The following LIPA variants were observed in gnomAD, a reference collection of about 807,000 sequenced individuals.
LIPA encodes lipase A, lysosomal acid type, also known as lysosomal acid lipase/cholesteryl ester hydrolase.
Under a neutral mutation model 40.6 loss-of-function variants are expected in LIPA, and 26 were observed. The ratio of observed to expected loss-of-function variants is 0.64; its 90% confidence interval spans 0.47 to 0.89. The LOEUF is 0.89. Ranked by LOEUF, LIPA falls within the 40% of genes least tolerant of loss-of-function variation. LIPA has a pLI of 0.00. For missense variants in LIPA, 455 were observed against 479.6 expected (o/e 0.95, Z 0.48); for synonymous variants, 188 against 168.4 (o/e 1.12, Z -0.90).
chr10:89,313,832 G>A (rs1174511617), intron 1 of LIPA, among the ~76,000 whole-genome samples: 1 of 152,174 alleles, frequency 6.6e-6, no homozygotes, highest in Non-Finnish European at 1.5e-5. Flanking sequence ...GTGGAACGGA[G>A]GCAAATTTAT....
intron 3 of LIPA, among the ~76,000 whole-genome samples, chr10:89,239,297 G>T (rs1433835906): frequency 6.6e-6 from 1 of 152,224 alleles, no homozygotes; most frequent in Non-Finnish European, 1.5e-5. Flanking sequence ...CGGGCTGTGT[G>T]ACTCCTGCCT....
rs549058037 is a variant in LIPA, at chr10:89,402,941, C to T, written c.61+9850G>A. 6.2e-6 allele frequency: 10 copies of T among 1,614,128 alleles called. No homozygotes were observed. In the African/African-American group the frequency reaches 1.2e-4, roughly 19 times the overall value. ...CAGACAATGGATATATTAAGGTTCT[C>T]CTTGCCCTGAAGCTTCAGGATGAAG... On this transcript the variant is annotated intron_variant, in intron 2 of 8. Coordinates refer to the LIPA transcript ENST00000371837.
intron 2 of LIPA, among the ~76,000 whole-genome samples, chr10:89,360,924 C>T (rs1844018412): frequency 6.6e-6 from 1 of 152,192 alleles, no homozygotes; most frequent in Non-Finnish European, 1.5e-5. Context: ...CAGCATCCTT[C>T]CTTGCCTCCT....
rs772747557 is a variant in LIPA at position 89,227,068 on chromosome 10, A to G, written c.429-64T>C. ...CATAAAATAGAGCACACACATACTG[A>G]GTATGCAGTTTGATGAGTTATCACA... On this transcript the variant is annotated intron_variant, in intron 4 of 9. Transcript: ENST00000336233. The G allele has an allele frequency of 2.6e-5, 26 of 1,006,826 alleles. No homozygotes were observed. The Middle Eastern group carries it at 1.2e-3, about 48-fold the overall frequency. 62.4% of individuals were successfully genotyped at this position (1,006,826 alleles called of 1,614,324 possible).
At chr10:89,348,459 T>A (rs1260016273) in intron 2 of LIPA, among the ~76,000 whole-genome samples, 1 of 152,166 alleles carries the variant, frequency 6.6e-6, no homozygotes, top group Non-Finnish European at 1.5e-5. Context: ...TTCATGCAAT[T>A]TAAGCATAAA....
Position 89,326,700 on chromosome 10 carries a change from A to G in LIPA, c.-2+15911T>C, listed in dbSNP as rs546754331. Among the ~76,000 whole-genome samples, 4 of 152,320 alleles carry G rather than the reference A, an allele frequency of 2.6e-5. No individual in the cohort carries two copies. In the South Asian group the frequency reaches 8.3e-4, roughly 32 times the overall value. On this transcript the variant is annotated intron_variant, in intron 1 of 5. Coordinates refer to the LIPA transcript ENST00000282673. ...TCTCATGTACCCCATAAATATATAT[A>G]TCTACTATGTGTCCACAAAAAATTT...
intron 1 of LIPA, among the ~76,000 whole-genome samples, chr10:89,299,327 T>G (rs1338331129): frequency 6.6e-6 from 1 of 151,838 alleles, no homozygotes; most frequent in East Asian, 1.9e-4. Flanking sequence ...AATTAAAAAG[T>G]ATGAACAAAG....
intron 2 of LIPA, among the ~76,000 whole-genome samples, chr10:89,399,214 T>A (rs1471262088): frequency 6.6e-6 from 1 of 152,210 alleles, no homozygotes; most frequent in Non-Finnish European, 1.5e-5. Context: ...CATTTCTTAA[T>A]CAGTTGTTTG....
At chr10:89,354,601 T>C (rs1483985042) in intron 2 of LIPA, among the ~76,000 whole-genome samples, 2 of 152,224 alleles carry the variant, frequency 1.3e-5, no homozygotes, top group East Asian at 3.8e-4. Context: ...AGAGGCTGAC[T>C]GTGTCGCCCA....
At chr10:89,413,251 C>G (rs1333054183) in intron 1 of LIPA, among the ~76,000 whole-genome samples, 1 of 152,138 alleles carries the variant, frequency 6.6e-6, no homozygotes, top group Non-Finnish European at 1.5e-5. Flanking sequence ...ATTAACTTAT[C>G]AGTTTTTAAA....
intron 1 of LIPA, chr10:89,308,161 T>C (rs570162414): frequency 6.6e-6 from 1 of 152,272 alleles, no homozygotes; most frequent in Non-Finnish European, 1.5e-5. Context: ...GAAACCAACA[T>C]AATGTATTTC....
intron 2 of LIPA, chr10:89,393,231 T>G (rs1433120694): frequency 2.3e-6 from 3 of 1,289,686 alleles, no homozygotes; most frequent in Non-Finnish European, 3.0e-6. Context: ...CCTTCCTCCA[T>G]AGGCTTCTGG....
chr10:89,339,970 G>C (rs1208246256), intron 1 of LIPA: 1 of 1,614,226 alleles, frequency 6.2e-7, no homozygotes, highest in Non-Finnish European at 8.5e-7. Context: ...CAAATGTTAT[G>C]AGAAGGAACT....
chr10:89,305,399 C>T (rs532170293), intron 1 of LIPA, among the ~76,000 whole-genome samples: 27 of 151,844 alleles, frequency 1.8e-4, no homozygotes, highest in Admixed American at 1.6e-3. Flanking sequence ...GACAGAAAAT[C>T]GAAAGTGATA....
At chr10:89,302,159 C>T in intron 1 of LIPA, 1 of 1,612,058 alleles carries the variant, frequency 6.2e-7, no homozygotes, top group African/African-American at 1.3e-5. Flanking sequence ...TTCGGTAGTG[C>T]TGTTGAGTCA....
intron 1 of LIPA, among the ~76,000 whole-genome samples, chr10:89,342,021 C>T (rs1843876031): frequency 6.6e-6 from 1 of 152,172 alleles, no homozygotes; most frequent in Admixed American, 6.5e-5. Flanking sequence ...AGCCGTTCCA[C>T]AATGTATACA....
At chr10:89,313,886 G>C (rs1007172678) in intron 1 of LIPA, among the ~76,000 whole-genome samples, 75 of 152,300 alleles carry the variant, frequency 4.9e-4, no homozygotes, top group African/African-American at 1.7e-3. Context: ...CTAGGGGAGG[G>C]GGTTGTGACG....
intron 1 of LIPA, among the ~76,000 whole-genome samples, chr10:89,337,444 G>T (rs76524008): frequency 0.02 from 2,998 of 152,188 alleles, 102 homozygotes; most frequent in African/African-American, 0.066. Flanking sequence ...CTATCACCCT[G>T]GCTGGAGTGT....
At chr10:89,305,454 A>C (rs1012202628) in intron 1 of LIPA, among the ~76,000 whole-genome samples, 2 of 152,206 alleles carry the variant, frequency 1.3e-5, no homozygotes, top group African/African-American at 4.8e-5. Flanking sequence ...GGAATTAAGA[A>C]TATCAAAGAT....
Sources: gnomAD v4.1 joint callset for allele counts (sites outside exome capture counted in the v4.1 genomes callset) on GRCh38, gnomAD v4.1.1 for gene constraint, MANE v1.5 for transcripts, NCBI Gene and HGNC (gene_info 2026-07-23, HGNC 2026-07-21) for gene names.